Variants in EEF1A2 observed in about 807,000 individuals in gnomAD.
The protein encoded by EEF1A2 is elongation factor 1-alpha 2.
A neutral mutation model predicts 39.3 loss-of-function variants in EEF1A2; 5 were observed. The ratio of observed to expected loss-of-function variants is 0.13; its 90% CI spans 0.07 to 0.27. EEF1A2 has a LOEUF of 0.27. EEF1A2 is among the 10% of genes least tolerant of loss of function. The pLI is 1.00. For missense variants in EEF1A2, 218 were observed against 681.4 expected (o/e 0.32, Z 7.57); for synonymous variants, 287 against 293.7 (o/e 0.98, Z 0.23).
In EEF1A2 at chr20:63,497,671, G is replaced by A. The variant is rs747910289; in HGVS notation, c.93C>T (p.Cys31=). ...STTTGHLIYK[C]GGIDKRTIEK... is the part of the protein sequence containing the mutation. Reference sequence around the variant, plus strand: ...CAATGGTCCTTTTGTCAATACCTCCGCATTTGTAGATGAGGTGGCCCGTGG... The same window carrying A: ...CAATGGTCCTTTTGTCAATACCTCCACATTTGTAGATGAGGTGGCCCGTGG... Residue 31 remains cysteine (C), a synonymous_variant, in exon 2 of 8, where the codon TGC becomes TGT. Coordinates refer to ENST00000217182, the MANE Select transcript of EEF1A2 (RefSeq NM_001958.5). The surrounding 1 kb of genome is among the most constrained non-coding windows in gnomAD (Gnocchi z 7.3). 1.6e-5 allele frequency: 26 copies of A among 1,613,132 alleles called. No individual in the cohort carries two copies. The highest frequency in any genetic ancestry group is 3.3e-5 in the South Asian group (3 of 91,070).
chr20:63,496,295 C>G, intron 2 of EEF1A2: 1 of 528,564 alleles, frequency 1.9e-6, no homozygotes, highest in Non-Finnish European at 3.4e-6. Context: ...GCGCAAGGGC[C>G]TGGGAGTCGC....
At chr20:63,495,146 A>G (rs765443754) in intron 3 of EEF1A2, 45 bp from the exon 4 acceptor site, 9 of 1,588,848 alleles carry the variant, frequency 5.7e-6, no homozygotes, top group Middle Eastern at 3.4e-4. Context: ...CCTGCCTGGC[A>G]GGGGACAGAG....
At chr20:63,488,506 G>A in intron 7 of EEF1A2, 81 bp from the exon 8 acceptor site, 12 of 1,307,228 alleles carry the variant, frequency 9.2e-6, no homozygotes, top group South Asian at 1.9e-5. Flanking sequence ...GGGCGGGGGC[G>A]CAACCGCGTC....
intron 5 of EEF1A2, 89 bp downstream of exon 5, chr20:63,493,047 AG>A: frequency 6.9e-7 from 1 of 1,456,114 alleles, no homozygotes; most frequent in Non-Finnish European, 9.1e-7. Context: ...GATTGGAGAC[AG>A]CCCAGTCTTG....
rs1374492464 is a variant in EEF1A2 at position 63,490,489 on chromosome 20, A to T, written c.1019T>A (p.Phe340Tyr). The T allele has an allele frequency of 6.2e-7, 1 of 1,610,120 alleles. No individual in the cohort carries two copies. The highest frequency in any genetic ancestry group is 8.5e-7 in the Non-Finnish European group (1 of 1,177,948). The part of the protein sequence containing the change: ...KSDPPQEAAQ[F>Y]TSQVIILNHP... ...AGCGCAGCCCCCCACCTGGGAGGTG[A>T]ACTGAGCAGCCTCCTGCGGCGGGTC... Residue 340 changes from phenylalanine (F) to tyrosine (Y), a missense_variant, in exon 6 of 8, where the codon TTC becomes TAC. Physicochemically the swap from Phe to Tyr is conservative, Grantham distance 22. This residue lies in a region of EEF1A2 where 80 missense variants were observed against 295.9 expected (regional missense o/e 0.27). Coordinates refer to ENST00000217182, the MANE Select transcript of EEF1A2 (RefSeq NM_001958.5).
chr20:63,493,646 G>A (rs1380478492), intron 4 of EEF1A2, among the ~76,000 whole-genome samples: 1 of 152,194 alleles, frequency 6.6e-6, no homozygotes, highest in Non-Finnish European at 1.5e-5. Flanking sequence ...CTAGGAGGAT[G>A]CTGAGTCTGG....
At chr20:63,494,658 A>G (rs2082408306) in intron 4 of EEF1A2, 147 bp downstream of exon 4, 1 of 1,173,516 alleles carries the variant, frequency 8.5e-7, no homozygotes, top group Non-Finnish European at 1.2e-6. Flanking sequence ...GCCCTGAGCC[A>G]GTTAGGGAAA....
chr20:63,496,303 C>A (rs1388830321), intron 2 of EEF1A2: 2 of 512,966 alleles, frequency 3.9e-6, no homozygotes, highest in African/African-American at 3.9e-5. Context: ...GCCTGGGAGT[C>A]GCTCGCTCTA....
Position 63,488,170 on chromosome 20 carries a change from G to A in EEF1A2, c.*128C>T, listed in dbSNP as rs1045629520. ...CCGAGGGCCTCTGGCAAGCGGAGGT[G>A]CAGACATGCGCCTGGCGGGGGTGCG... On this transcript the variant is annotated 3_prime_UTR_variant, in exon 8 of 8. Transcript: ENST00000217182. 1.4e-5 allele frequency: 7 copies of A among 514,588 alleles called. No individual in the cohort carries two copies. In the African/African-American group the frequency reaches 1.5e-4, roughly 11 times the overall value. 31.9% of individuals were successfully genotyped at this position (514,588 alleles called of 1,614,324 possible).
At position 63,498,153 on chromosome 20, in the gene EEF1A2, C is replaced by G. The variant is rs111678800; in HGVS notation, c.-71-319G>C. The G allele has an allele frequency of 0.011, 1,805 of 164,322 alleles. 84 individuals carry two copies. Among genetic ancestry groups the G allele is most frequent in the Admixed American group, 0.079 (1,252 of 15,874 alleles). 10.2% of individuals were successfully genotyped at this position (164,322 alleles called of 1,614,324 possible). A position where few individuals can be genotyped will look rare whatever the true frequency, so the allele number is the denominator to read the frequency against. ...CACGCAGCGCCAGGCTGGGTACGTC[C>G]GTGACCAGCAGAGCCGGGTGATGAG... On this transcript the variant is annotated intron_variant, in intron 1 of 7. Coordinates refer to ENST00000217182, the MANE Select transcript of EEF1A2 (RefSeq NM_001958.5). The surrounding 1 kb of genome is among the most constrained non-coding windows in gnomAD (Gnocchi z 4.1).
chr20:63,488,346 G>A lies in EEF1A2; in HGVS notation c.1344C>T (p.Ala448=), dbSNP rs2082362112. 3 of 1,466,912 alleles carry A rather than the reference G, an allele frequency of 2.0e-6. No homozygotes were observed. The highest frequency in any genetic ancestry group is 1.5e-5 in the African/African-American group (1 of 67,910). 90.9% of individuals were successfully genotyped at this position (1,466,912 alleles called of 1,614,324 possible). Residue 448 remains alanine (A), a synonymous_variant, in exon 8 of 8, where the codon GCC becomes GCT. Transcript: ENST00000217182. ...IKNVEKKSGG[A]GKVTKSAQKA... is the part of the protein sequence containing the mutation. ...TCTGCGCCGACTTGGTGACCTTGCC[G>A]GCGCCGCCGCTCTTCTTCTCCACGT...
At chr20:63,496,185 GC>G in intron 2 of EEF1A2, 150 bp from the exon 3 acceptor site, 1 of 954,618 alleles carries the variant, frequency 1.0e-6, no homozygotes, top group South Asian at 1.7e-5. Flanking sequence ...TGGGACGCCG[GC>G]CCCCTCCGTC....
At position 63,488,528 on chromosome 20, in the gene EEF1A2, C is replaced by T. The variant is rs537483528; in HGVS notation, c.1265-103G>A. Reference sequence around the variant, plus strand: ...GGCGCAACCGCGTCGGGAATGTCCTCGGAACACGCTTAGCGCAGAGCGCGC... The same window carrying T: ...GGCGCAACCGCGTCGGGAATGTCCTTGGAACACGCTTAGCGCAGAGCGCGC... On this transcript the variant is annotated intron_variant, in intron 7 of 7. Coordinates refer to ENST00000217182, the MANE Select transcript of EEF1A2 (RefSeq NM_001958.5). The T allele has an allele frequency of 2.3e-5, 29 of 1,286,106 alleles. 1 individual carries two copies. The highest frequency in any genetic ancestry group is 6.0e-4 in the Middle Eastern group (2 of 3,358). 79.7% of individuals were successfully genotyped at this position (1,286,106 alleles called of 1,614,324 possible).
chr20:63,489,673 C>T (rs1416514794), intron 6 of EEF1A2, among the ~76,000 whole-genome samples: 1 of 152,058 alleles, frequency 6.6e-6, no homozygotes, highest in Non-Finnish European at 1.5e-5. Context: ...ATCTTACCTA[C>T]TTGGGAGGCT....
intron 7 of EEF1A2, 71 bp from the exon 8 acceptor site, chr20:63,488,496 G>C: frequency 2.3e-6 from 3 of 1,314,826 alleles, no homozygotes; most frequent in Non-Finnish European, 1.9e-6. Context: ...GGCTCTGGCC[G>C]GGCGGGGGCG....
At position 63,488,187 on chromosome 20, in the gene EEF1A2, G is replaced by C. The variant is rs1300497429; in HGVS notation, c.*111C>G. The C allele has an allele frequency of 2.9e-6, 2 of 683,172 alleles. No homozygotes were observed. The highest frequency in any genetic ancestry group is 3.6e-6 in the Non-Finnish European group (2 of 557,858). The allele number at this position is 683,172 out of a possible 1,614,324, so 42.3% of individuals were successfully genotyped here. A position where few individuals can be genotyped will look rare whatever the true frequency, so the allele number is the denominator to read the frequency against. ...GCGGAGGTGCAGACATGCGCCTGGC[G>C]GGGGTGCGGGGCGCCGGACCGGCGC... On this transcript the variant is annotated 3_prime_UTR_variant, in exon 8 of 8. Transcript: ENST00000217182.
At position 63,497,442 on chromosome 20, in the gene EEF1A2, G is replaced by C. The variant is rs537368753; in HGVS notation, c.144+178C>G. 1 of 993,958 alleles carries C rather than the reference G, an allele frequency of 1.0e-6. No individual in the cohort carries two copies. Among genetic ancestry groups the C allele is most frequent in the Non-Finnish European group, 1.4e-6 (1 of 706,492 alleles). 61.6% of individuals were successfully genotyped at this position (993,958 alleles called of 1,614,324 possible). The stretch of plus-strand genomic sequence containing the variant: ...CCCTCCCCCACCAAGCTCCCCCTAA[G>C]AGAGAGGCTGCCCCACCAGACCCTC... On this transcript the variant is annotated intron_variant, in intron 2 of 7. Transcript: ENST00000217182. The surrounding 1 kb of genome is among the most constrained non-coding windows in gnomAD (Gnocchi z 7.3).
intron 4 of EEF1A2, among the ~76,000 whole-genome samples, chr20:63,494,013 C>T (rs546341526): frequency 6.6e-6 from 1 of 152,372 alleles, no homozygotes; most frequent in East Asian, 1.9e-4. Flanking sequence ...CAACACCGAG[C>T]CTCGTGAGAT....
chr20:63,490,789 C>T, intron 5 of EEF1A2, 54 bp from the exon 6 acceptor site: 1 of 1,557,226 alleles, frequency 6.4e-7, no homozygotes, highest in Non-Finnish European at 8.7e-7. Flanking sequence ...GATGCTGGGG[C>T]AGGATATTCG....
Sources: allele counts gnomAD v4.1 joint callset (sites outside exome capture counted in the v4.1 genomes callset), GRCh38; gene constraint gnomAD v4.1.1; regional missense constraint gnomAD v4.1.1; non-coding constraint Gnocchi (gnomAD v3.1); transcripts MANE v1.5; gene names NCBI Gene and HGNC (gene_info 2026-07-23, HGNC 2026-07-21).